ZC2HC1B: variants seen among roughly 807,000 people sequenced by gnomAD.
The protein encoded by ZC2HC1B is zinc finger C2HC domain-containing protein 1B.
ZC2HC1B carries 36 observed loss-of-function variants against 31.0 expected under a neutral mutation model. The observed-to-expected ratio is 1.16, with a 90% CI of 0.89 to 1.54. ZC2HC1B has a LOEUF of 1.54. ZC2HC1B is among the 40% of genes most tolerant of loss of function. The pLI is 0.00. For synonymous variants in ZC2HC1B, 73 were observed against 88.0 expected, an observed-to-expected ratio of 0.83 and a Z score of 0.95; for missense variants, 260 against 268.6, an observed-to-expected ratio of 0.97 and a Z score of 0.22.
intron 7 of ZC2HC1B, 110 bp downstream of exon 7, chr6:143,937,843 T>C (rs1778196499): frequency 2.7e-6 from 2 of 738,738 alleles, no homozygotes; most frequent in Admixed American, 6.3e-5. Context: ...AAACTCCAAG[T>C]TGGGTTAACA....
rs1223563963 is a variant in ZC2HC1B at position 143,865,975 on chromosome 6, C to T, written c.28+1408C>T. The stretch of plus-strand genomic sequence containing the variant: ...GGATTACAGGTGTGCACCACCATGC[C>T]CAGCTAATTTTTGTATTCTTAGTAG... On this transcript the variant is annotated intron_variant, in intron 1 of 7. Transcript: ENST00000237275. The surrounding 1 kb of genome is among the most constrained non-coding windows in gnomAD (Gnocchi z 4.4). Among the ~76,000 whole-genome samples, 1 of 152,156 alleles carries T rather than the reference C, an allele frequency of 6.6e-6. No individual in the cohort carries two copies. The highest frequency in any genetic ancestry group is 1.5e-5 in the Non-Finnish European group (1 of 68,024).
chr6:143,914,977 C>T (rs567946873), intron 6 of ZC2HC1B, among the ~76,000 whole-genome samples: 11 of 152,138 alleles, frequency 7.2e-5, no homozygotes, highest in African/African-American at 1.7e-4. Context: ...ACAGTTTAAT[C>T]GATTTACATT....
intron 6 of ZC2HC1B, among the ~76,000 whole-genome samples, chr6:143,927,964 A>G (rs1396013646): frequency 6.6e-6 from 1 of 151,976 alleles, no homozygotes; most frequent in Non-Finnish European, 1.5e-5. Flanking sequence ...TTCTTTGCTC[A>G]CTTCCTAATG....
rs1466602768 is a variant in ZC2HC1B at position 143,913,815 on chromosome 6, T to G, written c.598+10663T>G. 1.3e-5 allele frequency among the ~76,000 whole-genome samples: 2 copies of G among 152,340 alleles called. No homozygotes were observed. Among genetic ancestry groups the G allele is most frequent in the Admixed American group, 1.3e-4 (2 of 15,304 alleles). ...TGTTTCCTTGGCTCCATGTCACTCC[T>G]GGTGGGCCATTGCGCCACCCTACTT... On this transcript the variant is annotated intron_variant, in intron 6 of 7. Transcript: ENST00000237275. This position sits in a 1 kb window ranked among gnomAD's most constrained non-coding sequence, Gnocchi z 5.7.
At chr6:143,920,820 A>G (rs890691669) in intron 6 of ZC2HC1B, among the ~76,000 whole-genome samples, 1 of 151,552 alleles carries the variant, frequency 6.6e-6, no homozygotes, top group Non-Finnish European at 1.5e-5. Context: ...AGGCAGGAGA[A>G]TCGCTTGAAC....
Position 143,889,604 on chromosome 6 carries a change from A to G in ZC2HC1B, c.349+2783A>G, listed in dbSNP as rs538315867. On this transcript the variant is annotated intron_variant, in intron 4 of 7. Coordinates refer to ENST00000237275, the MANE Select transcript of ZC2HC1B (RefSeq NM_001013623.3). ...TGATGATTCAAATGATAAATACATC[A>G]AGAAGACCTATCAGTTTTAAATGTT... 4.5e-4 allele frequency among the ~76,000 whole-genome samples: 69 copies of G among 152,268 alleles called. 1 individual carries two copies. The highest frequency in any genetic ancestry group is 2.7e-3 in the South Asian group (13 of 4,828).
At chr6:143,867,141 C>T (rs530577637) in intron 1 of ZC2HC1B, among the ~76,000 whole-genome samples, 3 of 152,286 alleles carry the variant, frequency 2.0e-5, no homozygotes, top group Admixed American at 2.0e-4. Flanking sequence ...TGGGTCCCAT[C>T]CCCATGATAT....
In ZC2HC1B at chr6:143,898,641, C is replaced by G. The variant is rs1263180181; in HGVS notation, c.439C>G (p.Arg147Gly). The change falls in exon 5 of 8, where the codon CGA becomes GGA. Residue 147 changes from arginine to glycine, a missense_variant. Physicochemically the swap from Arg to Gly is moderately radical, Grantham distance 125. Transcript: ENST00000237275. ...TTTCTGCAAGGATCAGTCTTCTCGC[C>G]GAGTCTTTAATCCAGCTCAGACAGC... ...TNFCKDQSSR[R>G]VFNPAQTAAK... 2 of 1,551,838 alleles carry G rather than the reference C, an allele frequency of 1.3e-6. No individual in the cohort carries two copies. Among genetic ancestry groups the G allele is most frequent in the Non-Finnish European group, 1.7e-6 (2 of 1,147,052 alleles).
intron 4 of ZC2HC1B, among the ~76,000 whole-genome samples, chr6:143,893,681 T>TTTTCTTTTC (rs1342282309): frequency 6.6e-6 from 1 of 152,046 alleles, no homozygotes; most frequent in Non-Finnish European, 1.5e-5. Flanking sequence ...TGCACTGGTA[T>TTTTCTTTTC]TTTCTTTTCT....
intron 1 of ZC2HC1B, among the ~76,000 whole-genome samples, chr6:143,882,334 T>TTTATATATATATATATATA (rs1554237237): frequency 2.1e-4 from 18 of 85,532 alleles, no homozygotes; most frequent in African/African-American, 8.3e-4. Flanking sequence ...TTTATATTTT[T>TTTATATATATATATATATA]TATATATATA....
chr6:143,935,395 A>C lies in ZC2HC1B; in HGVS notation c.599-2254A>C, dbSNP rs538301898. Among the ~76,000 whole-genome samples the C allele has an allele frequency of 1.9e-3, 289 of 151,982 alleles. 1 individual carries two copies. Among genetic ancestry groups the C allele is most frequent in the African/African-American group, 6.8e-3 (281 of 41,420 alleles). ...CAGGCTGTGATGGTCAGGGCTGCTC[A>C]ATCTCCAGGCTCCCAGTCAGTGTCC... On this transcript the variant is annotated intron_variant, in intron 6 of 7. Transcript: ENST00000237275.
intron 1 of ZC2HC1B, among the ~76,000 whole-genome samples, chr6:143,878,479 A>G (rs74393807): frequency 0.013 from 1,986 of 150,512 alleles, 100 homozygotes; most frequent in Admixed American, 0.02. Context: ...CCTTGTCTCA[A>G]AGGCGGAAGG....
At chr6:143,920,696 T>G (rs534373733) in intron 6 of ZC2HC1B, among the ~76,000 whole-genome samples, 1 of 152,078 alleles carries the variant, frequency 6.6e-6, no homozygotes, top group East Asian at 1.9e-4. Context: ...AGATCACAAG[T>G]CAGGAGATCG....
At chr6:143,866,670 CT>C (rs1777267772) in intron 1 of ZC2HC1B, among the ~76,000 whole-genome samples, 1 of 152,186 alleles carries the variant, frequency 6.6e-6, no homozygotes, top group Non-Finnish European at 1.5e-5. Context: ...CCTCTTGTAA[CT>C]TTACTGTTAC....
chr6:143,928,425 T>C (rs912166168), intron 6 of ZC2HC1B, among the ~76,000 whole-genome samples: 9 of 152,150 alleles, frequency 5.9e-5, no homozygotes, highest in African/African-American at 2.2e-4. Context: ...TGGCTATAGG[T>C]ATGTGGCTTT....
intron 6 of ZC2HC1B, 140 bp from the exon 7 acceptor site, chr6:143,937,509 C>A: frequency 1.7e-6 from 1 of 586,026 alleles, no homozygotes; most frequent in Non-Finnish European, 2.8e-6. Context: ...ATTGCCCTCC[C>A]CACCACACTC....
rs780598856 is a variant in ZC2HC1B at position 143,883,614 on chromosome 6, A to G, written c.29-690A>G. Among the ~76,000 whole-genome samples the G allele has an allele frequency of 1.3e-5, 2 of 152,224 alleles. No individual in the cohort carries two copies. Among genetic ancestry groups the G allele is most frequent in the African/African-American group, 4.8e-5 (2 of 41,458 alleles). On this transcript the variant is annotated intron_variant, in intron 1 of 7. Coordinates refer to ENST00000237275, the MANE Select transcript of ZC2HC1B (RefSeq NM_001013623.3). The surrounding 1 kb of genome is among the most constrained non-coding windows in gnomAD (Gnocchi z 4.1). The stretch of plus-strand genomic sequence containing the variant: ...TCTTTACATATTTGACTCCTGATGA[A>G]CCAAAAGGAAGTAATACAAAAAACC...
intron 6 of ZC2HC1B, among the ~76,000 whole-genome samples, chr6:143,928,521 G>A (rs1480258166): frequency 6.6e-6 from 1 of 152,038 alleles, no homozygotes; most frequent in East Asian, 1.9e-4. Context: ...TAGACTTATA[G>A]TATAATGTGG....
Position 143,884,406 on chromosome 6 carries a change from TAAATG to T in ZC2HC1B, c.90+44_90+48del, listed in dbSNP as rs1338116177. The T allele has an allele frequency of 1.3e-6, 2 of 1,502,138 alleles. No individual in the cohort carries two copies. The highest frequency in any genetic ancestry group is 2.8e-5 in the African/African-American group (2 of 72,390). 93.1% of individuals were successfully genotyped at this position (1,502,138 alleles called of 1,614,324 possible). A position where few individuals can be genotyped will look rare whatever the true frequency, so the allele number is the denominator to read the frequency against. On this transcript the variant is annotated intron_variant, in intron 2 of 7. Transcript: ENST00000237275. The surrounding 1 kb of genome is among the most constrained non-coding windows in gnomAD (Gnocchi z 5.1). ...TTTTGTAGATGTGTTTCATTGGACT[TAAATG>T]AACTGTCAAGTCAGTGAGGAGGCGG...
Sources: gnomAD v4.1 joint callset for allele counts (sites outside exome capture counted in the v4.1 genomes callset) on GRCh38, gnomAD v4.1.1 for gene constraint, Gnocchi (gnomAD v3.1) non-coding constraint, MANE v1.5 for transcripts, NCBI Gene and HGNC (gene_info 2026-07-23, HGNC 2026-07-21) for gene names.